Variants in LCOR observed in about 807,000 individuals in gnomAD.
LCOR encodes ligand dependent nuclear receptor corepressor.
In LCOR, 14 loss-of-function variants were observed where a neutral mutation model predicts 64.4. That is an observed-to-expected ratio of 0.22 (90% confidence interval 0.14 to 0.34). The LOEUF (loss-of-function observed/expected upper bound fraction) is 0.34. Ranked by LOEUF, LCOR falls within the 10% of genes least tolerant of loss-of-function variation. LCOR has a pLI of 1.00. For synonymous variants in LCOR, 643 were observed against 642.5 expected (o/e 1.00, Z -0.01); for missense variants, 1,686 against 1,765.3 (o/e 0.96, Z 0.80).
chr10:96,982,494 C>A lies in LCOR; in HGVS notation c.2034C>A (p.Ser678=). Residue 678 remains serine (S), a synonymous_variant, in exon 8 of 8, where the codon TCC becomes TCA. Transcript: ENST00000421806. ...CHLLPSTESF[S]GGVSEDVISR... ...TCCTTCCCTCCACTGAAAGCTTTTC[C>A]GGGGGAGTCAGTGAAGATGTCATTT... is the stretch of plus-strand genomic sequence containing the variant. 6.2e-7 allele frequency: 1 copy of A among 1,614,148 alleles called. No homozygotes were observed.
intron 2 of LCOR, among the ~76,000 whole-genome samples, chr10:96,891,853 T>G (rs1433395978): frequency 1.3e-5 from 2 of 152,076 alleles, no homozygotes; most frequent in Non-Finnish European, 2.9e-5. Context: ...TGTAGTTACT[T>G]TTTTGAGTAA....
intron 7 of LCOR, chr10:96,962,744 C>CAAA (rs1847900367): frequency 6.6e-6 from 1 of 151,984 alleles, no homozygotes; most frequent in South Asian, 2.1e-4. Context: ...GTATACTTTA[C>CAAA]AGCAGCTTAT....
At chr10:96,839,052 G>T (rs1289067249) in intron 2 of LCOR, among the ~76,000 whole-genome samples, 1 of 152,098 alleles carries the variant, frequency 6.6e-6, no homozygotes, top group Non-Finnish European at 1.5e-5. Flanking sequence ...AAAAAAACAA[G>T]AAATAAATAC....
chr10:96,906,136 T>C (rs1436433066), intron 2 of LCOR, among the ~76,000 whole-genome samples: 2 of 152,200 alleles, frequency 1.3e-5, no homozygotes, highest in Non-Finnish European at 2.9e-5. Context: ...ATGGGAGTGC[T>C]TTTTAACAAT....
At chr10:96,909,168 C>T (rs546181937) in intron 4 of LCOR, among the ~76,000 whole-genome samples, 1 of 152,094 alleles carries the variant, frequency 6.6e-6, no homozygotes, top group Non-Finnish European at 1.5e-5. Flanking sequence ...CAAGGTTAAA[C>T]TCCTCCCAAC....
At position 96,955,527 on chromosome 10, in the gene LCOR, A is replaced by G. The variant is rs78929926; in HGVS notation, c.332+3331A>G. 1 of 1,614,202 alleles carries G rather than the reference A, an allele frequency of 6.2e-7. No homozygotes were observed. Among genetic ancestry groups the G allele is most frequent in the Non-Finnish European group, 8.5e-7 (1 of 1,180,040 alleles). On this transcript the variant is annotated intron_variant, in intron 7 of 7. Coordinates refer to ENST00000421806, the MANE Select transcript of LCOR (RefSeq NM_001346516.2). ...TATTCTTCCAAAACAAAGTAGAAAAAGCATGTTAGATGCTGGACCCGATTC... is the reference window on the plus strand; with the variant it reads ...TATTCTTCCAAAACAAAGTAGAAAAGGCATGTTAGATGCTGGACCCGATTC...
intron 2 of LCOR, among the ~76,000 whole-genome samples, chr10:96,876,063 C>G (rs956029327): frequency 2.0e-5 from 3 of 151,036 alleles, no homozygotes; most frequent in Non-Finnish European, 4.4e-5. Context: ...CAATTTTTTC[C>G]CCTATCATAT....
intron 2 of LCOR, among the ~76,000 whole-genome samples, chr10:96,906,663 T>G (rs1846733933): frequency 6.6e-6 from 1 of 152,220 alleles, no homozygotes. Flanking sequence ...TTCTCTTTTT[T>G]TTGTATGTAC....
intron 2 of LCOR, among the ~76,000 whole-genome samples, chr10:96,837,094 C>T (rs1052729746): frequency 1.3e-4 from 20 of 151,650 alleles, no homozygotes; most frequent in African/African-American, 4.6e-4. Flanking sequence ...TGGGTTCAAG[C>T]CATTCTCCTG....
intron 7 of LCOR, among the ~76,000 whole-genome samples, chr10:96,975,488 A>G (rs1041170436): frequency 1.3e-5 from 2 of 151,754 alleles, no homozygotes; most frequent in African/African-American, 4.8e-5. Context: ...ACACAGCCTA[A>G]CAACCACCAG....
At chr10:96,931,247 T>C (rs920236580) in intron 4 of LCOR, among the ~76,000 whole-genome samples, 4 of 148,682 alleles carry the variant, frequency 2.7e-5, no homozygotes, top group East Asian at 2.0e-4. Flanking sequence ...TTTTTTTTTT[T>C]CTTTGAGATG....
chr10:96,960,213 C>G (rs1403332606), intron 7 of LCOR: 1 of 152,320 alleles, frequency 6.6e-6, no homozygotes, highest in East Asian at 1.9e-4. Flanking sequence ...TCCCCCTACC[C>G]CCAAGTAAGC....
intron 2 of LCOR, among the ~76,000 whole-genome samples, chr10:96,883,076 GTT>G (rs1846289550): frequency 1.3e-5 from 2 of 152,096 alleles, no homozygotes; most frequent in Admixed American, 6.6e-5. Context: ...TCATGTTGTT[GTT>G]CAGGCTGGAG....
chr10:96,957,236 A>AC (rs1403828638), intron 7 of LCOR: 4 of 984,674 alleles, frequency 4.1e-6, no homozygotes, highest in Non-Finnish European at 4.8e-6. Flanking sequence ...CCTACATAAT[A>AC]CCCCCCTTCT....
intron 2 of LCOR, among the ~76,000 whole-genome samples, chr10:96,868,860 CAGTG>C (rs1846022840): frequency 6.6e-6 from 1 of 152,172 alleles, no homozygotes; most frequent in South Asian, 2.1e-4. Flanking sequence ...ATCTGACACA[CAGTG>C]GGTGTCCAGT....
At chr10:96,935,906 A>C (rs1847343297) in intron 4 of LCOR, among the ~76,000 whole-genome samples, 1 of 152,254 alleles carries the variant, frequency 6.6e-6, no homozygotes, top group Non-Finnish European at 1.5e-5. Flanking sequence ...TCACACCTAA[A>C]GGTGTTGAAA....
chr10:96,833,231 G>A (rs566625712), intron 1 of LCOR, 175 bp from the exon 2 acceptor site: 2 of 978,466 alleles, frequency 2.0e-6, no homozygotes, highest in South Asian at 4.7e-5. Context: ...ATTGGCCGGA[G>A]CCGCAGCCTC....
intron 2 of LCOR, among the ~76,000 whole-genome samples, chr10:96,843,564 C>T (rs905949010): frequency 2.6e-5 from 4 of 152,052 alleles, no homozygotes; most frequent in African/African-American, 7.2e-5. Flanking sequence ...AACTTGTTTT[C>T]TTGTCCAGCC....
intron 4 of LCOR, among the ~76,000 whole-genome samples, chr10:96,910,100 C>T (rs911670608): frequency 6.6e-6 from 1 of 151,974 alleles, no homozygotes; most frequent in African/African-American, 2.4e-5. Flanking sequence ...TTTTAAGAGA[C>T]AGGGTATCAC....
Sources: gnomAD v4.1 joint callset for allele counts (sites outside exome capture counted in the v4.1 genomes callset) on GRCh38, gnomAD v4.1.1 for gene constraint, MANE v1.5 for transcripts, NCBI Gene and HGNC (gene_info 2026-07-23, HGNC 2026-07-21) for gene names.